Variants in NRXN3 observed in about 807,000 individuals in gnomAD.
NRXN3 encodes neurexin III.
A neutral mutation model predicts 137.6 loss-of-function variants in NRXN3; 32 were observed. That is an observed-to-expected ratio of 0.23 (90% CI 0.18 to 0.31). The LOEUF is 0.31. NRXN3 is among the 10% of genes least tolerant of loss of function. The pLI is 1.00. For missense variants in NRXN3, 1,574 were observed against 2,062.5 expected (o/e 0.76, Z 4.59); for synonymous variants, 798 against 784.5 (o/e 1.02, Z -0.29).
chr14:78,933,718 C>A (rs1185906912), intron 10 of NRXN3, among the ~76,000 whole-genome samples: 1 of 152,112 alleles, frequency 6.6e-6, no homozygotes, highest in Non-Finnish European at 1.5e-5. Flanking sequence ...ATGAAATGGT[C>A]AAATCTAGCT....
intron 16 of NRXN3, among the ~76,000 whole-genome samples, chr14:79,544,763 C>T (rs1418345031): frequency 6.6e-6 from 1 of 152,140 alleles, no homozygotes; most frequent in Non-Finnish European, 1.5e-5. Context: ...CTCTGGCCAC[C>T]AGCATCACCT....
At chr14:79,007,805 CAAAAAA>C (rs1160867331) in intron 15 of NRXN3, among the ~76,000 whole-genome samples, 7 of 38,016 alleles carry the variant, frequency 1.8e-4, no homozygotes, top group South Asian at 1.1e-3. Flanking sequence ...GACTCCATCT[CAAAAAA>C]AAAAAAAAAA....
At chr14:78,463,306 G>T (rs1567663802) in intron 4 of NRXN3, among the ~76,000 whole-genome samples, 1 of 152,080 alleles carries the variant, frequency 6.6e-6, no homozygotes, top group East Asian at 1.9e-4. Context: ...TGGACACTTA[G>T]GTTGATTCTA....
chr14:79,295,268 C>T (rs2083871252), intron 15 of NRXN3, among the ~76,000 whole-genome samples: 1 of 152,062 alleles, frequency 6.6e-6, no homozygotes, highest in Non-Finnish European at 1.5e-5. Context: ...ATCCAGATTG[C>T]CGTATGGCCA....
chr14:79,000,013 C>T (rs1408610270), intron 15 of NRXN3, among the ~76,000 whole-genome samples: 1 of 152,114 alleles, frequency 6.6e-6, no homozygotes, highest in Admixed American at 6.6e-5. Flanking sequence ...ATGTAAAACA[C>T]AAAATTCCCC....
At chr14:79,517,372 T>C (rs2097002560) in intron 16 of NRXN3, among the ~76,000 whole-genome samples, 1 of 152,184 alleles carries the variant, frequency 6.6e-6, no homozygotes, top group Non-Finnish European at 1.5e-5. Context: ...CTAATCTCCA[T>C]GATATGGGAT....
At chr14:78,858,529 C>T (rs1231684265) in intron 10 of NRXN3, among the ~76,000 whole-genome samples, 1 of 152,098 alleles carries the variant, frequency 6.6e-6, no homozygotes, top group East Asian at 1.9e-4. Flanking sequence ...TTCATTAGGA[C>T]AGTTATAATG....
chr14:78,972,612 G>A (rs1357864886), intron 14 of NRXN3, among the ~76,000 whole-genome samples: 1 of 152,154 alleles, frequency 6.6e-6, no homozygotes, highest in African/African-American at 2.4e-5. Flanking sequence ...CCCGTTGCCT[G>A]TGCTTTGTCA....
intron 4 of NRXN3, among the ~76,000 whole-genome samples, chr14:78,326,939 A>T (rs944916500): frequency 6.6e-6 from 1 of 151,974 alleles, no homozygotes; most frequent in Admixed American, 6.6e-5. Flanking sequence ...AAAAAAAAAA[A>T]AAAATCTCTC....
At position 78,720,480 on chromosome 14, in the gene NRXN3, C is replaced by G. The variant is rs539513136; in HGVS notation, c.2044+5341C>G. Among the ~76,000 whole-genome samples, 10 of 152,304 alleles carry G rather than the reference C, an allele frequency of 6.6e-5. 1 individual carries two copies. In the South Asian group the frequency reaches 1.7e-3, roughly 25 times the overall value. ...TGAAAAGCAGAAATCTTGAGGTCTTCCTTCCTGCCCCAGACTTCTTTTACT... is the reference window on the plus strand; with the variant it reads ...TGAAAAGCAGAAATCTTGAGGTCTTGCTTCCTGCCCCAGACTTCTTTTACT... On this transcript the variant is annotated intron_variant, in intron 8 of 20. Transcript: ENST00000335750.
intron 19 of NRXN3, among the ~76,000 whole-genome samples, chr14:79,760,278 C>T (rs1018896348): frequency 1.3e-5 from 2 of 151,582 alleles, no homozygotes; most frequent in Non-Finnish European, 2.9e-5. Flanking sequence ...GAACATTTAT[C>T]TTTAAAAATG....
chr14:79,523,870 C>A (rs1227638598), intron 16 of NRXN3, among the ~76,000 whole-genome samples: 1 of 152,122 alleles, frequency 6.6e-6, no homozygotes, highest in Non-Finnish European at 1.5e-5. Context: ...TTTCATATTT[C>A]TTTAAAGTGG....
At chr14:78,199,492 G>A (rs1324348380) in intron 1 of NRXN3, among the ~76,000 whole-genome samples, 1 of 152,184 alleles carries the variant, frequency 6.6e-6, no homozygotes, top group Non-Finnish European at 1.5e-5. Flanking sequence ...CCTGTGAACA[G>A]ATCTGTAAGG....
chr14:79,625,783 A>G (rs2098275358), intron 16 of NRXN3, among the ~76,000 whole-genome samples: 1 of 152,156 alleles, frequency 6.6e-6, no homozygotes, highest in Non-Finnish European at 1.5e-5. Context: ...TTACAGACAT[A>G]GCATCTGTAA....
intron 16 of NRXN3, among the ~76,000 whole-genome samples, chr14:79,488,187 A>G (rs141563119): frequency 1.6e-3 from 240 of 152,328 alleles, no homozygotes; most frequent in Middle Eastern, 6.8e-3. Context: ...TCACCCATGG[A>G]CATTGATTGG....
At chr14:79,489,765 C>T (rs552002595) in intron 16 of NRXN3, among the ~76,000 whole-genome samples, 48 of 152,170 alleles carry the variant, frequency 3.2e-4, no homozygotes, top group Non-Finnish European at 2.9e-4. Context: ...TTCGGCCGGG[C>T]GTGGTGGCTC....
chr14:78,710,603 CT>C, intron 7 of NRXN3, among the ~76,000 whole-genome samples: 1 of 152,340 alleles, frequency 6.6e-6, no homozygotes, highest in East Asian at 1.9e-4. Context: ...TAGAGATTCA[CT>C]TTCCTGATGA....
intron 15 of NRXN3, among the ~76,000 whole-genome samples, chr14:79,083,237 T>C (rs1476149076): frequency 1.3e-5 from 2 of 152,164 alleles, no homozygotes; most frequent in East Asian, 3.9e-4. Flanking sequence ...AGTCACTCTG[T>C]CAGGAGTATT....
chr14:79,430,206 T>C (rs945175336), intron 15 of NRXN3, among the ~76,000 whole-genome samples: 2 of 152,202 alleles, frequency 1.3e-5, no homozygotes, highest in African/African-American at 4.8e-5. Flanking sequence ...TCCATATTCC[T>C]ATATCTGGGT....
Sources: gnomAD v4.1 joint callset for allele counts (sites outside exome capture counted in the v4.1 genomes callset) on GRCh38, gnomAD v4.1.1 for gene constraint, MANE v1.5 for transcripts, NCBI Gene and HGNC (gene_info 2026-07-23, HGNC 2026-07-21) for gene names.